Variants in ANO4 observed in about 807,000 individuals in gnomAD.
The protein encoded by ANO4 is anoctamin-4.
Under a neutral mutation model 141.9 loss-of-function variants are expected in ANO4, and 69 were observed. The ratio of observed to expected loss-of-function variants is 0.49; its 90% CI spans 0.40 to 0.59. The LOEUF is 0.59. Ranked by LOEUF, ANO4 falls within the 20% of genes least tolerant of loss-of-function variation. The probability of loss-of-function intolerance (pLI) is 0.00; values close to 1 mark genes in which losing one functional copy is unlikely to be tolerated. For missense variants in ANO4, 894 were observed against 1,162.2 expected, an observed-to-expected ratio of 0.77 and a Z score of 3.36; for synonymous variants, 350 against 394.3, an observed-to-expected ratio of 0.89 and a Z score of 1.33.
At chr12:100,816,256 T>C (rs773665277) in intron 1 of ANO4, among the ~76,000 whole-genome samples, 3 of 151,962 alleles carry the variant, frequency 2.0e-5, no homozygotes, top group Non-Finnish European at 4.4e-5. Flanking sequence ...ACATGAGTAA[T>C]ATATAATTAC....
At chr12:100,857,469 A>G (rs919163795) in intron 1 of ANO4, among the ~76,000 whole-genome samples, 9 of 152,122 alleles carry the variant, frequency 5.9e-5, no homozygotes, top group Admixed American at 6.6e-5. Context: ...TCCCTACTCA[A>G]GGAAACAAAG....
chr12:101,013,843 T>C (rs1245435588), intron 8 of ANO4, among the ~76,000 whole-genome samples: 1 of 152,274 alleles, frequency 6.6e-6, no homozygotes, highest in Non-Finnish European at 1.5e-5. Context: ...CCTTCAGTTA[T>C]ATTAATTTGT....
intron 11 of ANO4, among the ~76,000 whole-genome samples, chr12:101,040,993 G>T (rs1416606525): frequency 6.6e-6 from 1 of 151,386 alleles, no homozygotes; most frequent in Non-Finnish European, 1.5e-5. Context: ...ATATGTGTGT[G>T]TTTTTTTTTA....
intron 8 of ANO4, among the ~76,000 whole-genome samples, chr12:100,999,374 G>T (rs1347307630): frequency 6.6e-6 from 1 of 152,164 alleles, no homozygotes; most frequent in South Asian, 2.1e-4. Context: ...CTTTGCTTCT[G>T]TCTTCACATC....
intron 7 of ANO4, among the ~76,000 whole-genome samples, chr12:100,984,297 A>G (rs893940640): frequency 4.6e-5 from 7 of 152,150 alleles, no homozygotes; most frequent in Admixed American, 3.9e-4. Context: ...GGGTTTCACT[A>G]TGTTGGCCAG....
At chr12:100,977,367 C>T (rs1341578763) in intron 7 of ANO4, among the ~76,000 whole-genome samples, 3 of 152,116 alleles carry the variant, frequency 2.0e-5, no homozygotes, top group African/African-American at 7.2e-5. Context: ...GGCATTGGCT[C>T]TACTTCCCAC....
chr12:100,829,399 A>G (rs1291379044), intron 1 of ANO4, among the ~76,000 whole-genome samples: 1 of 152,102 alleles, frequency 6.6e-6, no homozygotes, highest in African/African-American at 2.4e-5. Flanking sequence ...AAAGAATGGC[A>G]TGCAATAGTT....
chr12:100,804,988 A>G (rs1593374531), intron 1 of ANO4, among the ~76,000 whole-genome samples: 1 of 152,096 alleles, frequency 6.6e-6, no homozygotes, highest in East Asian at 1.9e-4. Flanking sequence ...TGCTTTCATT[A>G]CAATTGCTGT....
At chr12:101,099,851 C>T in intron 22 of ANO4, 131 bp downstream of exon 22, 1 of 669,860 alleles carries the variant, frequency 1.5e-6, no homozygotes, top group Non-Finnish European at 2.3e-6. Context: ...GAGAGGAAGG[C>T]ATGTCCTGCT....
At chr12:101,114,754 G>T (rs542948724) in intron 24 of ANO4, among the ~76,000 whole-genome samples, 1 of 152,104 alleles carries the variant, frequency 6.6e-6, no homozygotes, top group East Asian at 1.9e-4. Context: ...CTCTGTGACA[G>T]CTAATCATCC....
At position 100,990,418 on chromosome 12, in the gene ANO4, T is replaced by A. The variant is rs983538458; in HGVS notation, c.734+2748T>A. Among the ~76,000 whole-genome samples, 5 of 152,192 alleles carry A rather than the reference T, an allele frequency of 3.3e-5. No homozygotes were observed. In the South Asian group the frequency reaches 8.3e-4, roughly 25 times the overall value. ...AATTTCTAGGGACTAGAACTGAGAA[T>A]CATATTTTTGGAAGTATTTAAAAAT... On this transcript the variant is annotated intron_variant, in intron 8 of 27. Transcript: ENST00000392977.
At chr12:100,805,637 A>G (rs1364880637) in intron 1 of ANO4, among the ~76,000 whole-genome samples, 3 of 152,092 alleles carry the variant, frequency 2.0e-5, no homozygotes, top group African/African-American at 7.2e-5. Context: ...TATTTCCTTG[A>G]GCAGTGGCTT....
intron 14 of ANO4, among the ~76,000 whole-genome samples, chr12:101,064,597 A>G (rs891768949): frequency 4.6e-5 from 7 of 151,938 alleles, no homozygotes; most frequent in Non-Finnish European, 8.8e-5. Context: ...ACAAACCACC[A>G]TGGCACATGT....
chr12:100,784,193 C>T (rs2033793225), intron 3 of ANO4, among the ~76,000 whole-genome samples: 1 of 152,212 alleles, frequency 6.6e-6, no homozygotes, highest in African/African-American at 2.4e-5. Flanking sequence ...CCAATTCTCT[C>T]TTACCTTCTG....
intron 1 of ANO4, among the ~76,000 whole-genome samples, chr12:100,796,767 T>C (rs1449607437): frequency 6.6e-6 from 1 of 152,216 alleles, no homozygotes; most frequent in East Asian, 1.9e-4. Flanking sequence ...ACTGCTCTGC[T>C]TCCTCTTTAA....
chr12:101,086,197 G>T (rs188958230), intron 16 of ANO4, among the ~76,000 whole-genome samples: 1 of 151,684 alleles, frequency 6.6e-6, no homozygotes. Flanking sequence ...TGCTTAGCCC[G>T]TTTGATGTAA....
chr12:100,881,717 T>C (rs1489023110), intron 1 of ANO4, among the ~76,000 whole-genome samples: 1 of 152,262 alleles, frequency 6.6e-6, no homozygotes, highest in Non-Finnish European at 1.5e-5. Flanking sequence ...CTCCCAACTC[T>C]TAACATTCTC....
chr12:101,012,459 G>C (rs917598217), intron 8 of ANO4, among the ~76,000 whole-genome samples: 2 of 152,196 alleles, frequency 1.3e-5, no homozygotes, highest in Admixed American at 1.3e-4. Flanking sequence ...AGAACAAAAT[G>C]TTGGGAAGAA....
rs571864465 is a variant in ANO4, at chr12:101,128,621, C to T, written c.*765C>T. ...CAATAAAATTTAAAATAAATTTCTG[C>T]ACATGGAATATTTTCAGCTGGCTCT... On this transcript the variant is annotated 3_prime_UTR_variant, in exon 28 of 28. Coordinates refer to ENST00000392977, the MANE Select transcript of ANO4 (RefSeq NM_001286615.2). 6.5e-6 allele frequency: 1 copy of T among 152,674 alleles called. No homozygotes were observed. Among genetic ancestry groups the T allele is most frequent in the Non-Finnish European group, 1.5e-5 (1 of 68,020 alleles). 9.5% of individuals were successfully genotyped at this position (152,674 alleles called of 1,614,324 possible). A position where few individuals can be genotyped will look rare whatever the true frequency, so the allele number is the denominator to read the frequency against.
Sources: allele counts gnomAD v4.1 joint callset (sites outside exome capture counted in the v4.1 genomes callset), GRCh38; gene constraint gnomAD v4.1.1; transcripts MANE v1.5; gene names NCBI Gene and HGNC (gene_info 2026-07-23, HGNC 2026-07-21).